Variants in LRRC49 observed in about 807,000 individuals in gnomAD.
The protein encoded by LRRC49 is leucine rich repeat containing 49.
Under a neutral mutation model 83.3 loss-of-function variants are expected in LRRC49, and 50 were observed. The observed-to-expected ratio is 0.60, with a 90% CI of 0.48 to 0.76. The LOEUF (loss-of-function observed/expected upper bound fraction) is 0.76. Ranked by LOEUF, LRRC49 falls within the 30% of genes least tolerant of loss-of-function variation. The pLI, the probability that LRRC49 is intolerant of heterozygous loss-of-function variation, is 0.00. For missense variants in LRRC49, 704 were observed against 809.1 expected (o/e 0.87, Z 1.58); for synonymous variants, 286 against 283.3 (o/e 1.01, Z -0.10).
intron 1 of LRRC49, chr15:70,853,960 G>C (rs1595959954): frequency 6.9e-7 from 1 of 1,454,242 alleles, no homozygotes; most frequent in Admixed American, 2.4e-5. Flanking sequence ...CCGGGTCCCC[G>C]GCGCCCCGAG....
chr15:70,878,975 G>A (rs1390427776), intron 2 of LRRC49, among the ~76,000 whole-genome samples: 1 of 152,190 alleles, frequency 6.6e-6, no homozygotes, highest in African/African-American at 2.4e-5. Context: ...GATGGGAAGT[G>A]TTCTCTAGTC....
chr15:70,882,334 T>C, intron 2 of LRRC49: 2 of 941,224 alleles, frequency 2.1e-6, no homozygotes, highest in Non-Finnish European at 3.2e-6. Context: ...GCTAAACAAA[T>C]TATGCTGATA....
intron 7 of LRRC49, among the ~76,000 whole-genome samples, chr15:70,924,221 T>C (rs1464502013): frequency 6.6e-6 from 1 of 151,918 alleles, no homozygotes; most frequent in African/African-American, 2.4e-5. Flanking sequence ...TTCCAACCTT[T>C]CTCTTAAAAA....
At chr15:70,960,637 A>G (rs1246260066) in intron 8 of LRRC49, among the ~76,000 whole-genome samples, 2 of 152,190 alleles carry the variant, frequency 1.3e-5, no homozygotes, top group South Asian at 2.1e-4. Context: ...CCATACAAAT[A>G]TATTCAGGTG....
At chr15:71,006,373 T>C (rs1202458541) in intron 11 of LRRC49, among the ~76,000 whole-genome samples, 1 of 152,108 alleles carries the variant, frequency 6.6e-6, no homozygotes, top group African/African-American at 2.4e-5. Context: ...TCCCAAAGGG[T>C]TTGTTGATGT....
chr15:70,962,360 A>G (rs1327428560), intron 8 of LRRC49, among the ~76,000 whole-genome samples: 1 of 152,206 alleles, frequency 6.6e-6, no homozygotes, highest in African/African-American at 2.4e-5. Flanking sequence ...ATTTATAGAT[A>G]TATGCATATA....
chr15:71,002,539 T>C (rs1181294812), intron 11 of LRRC49, among the ~76,000 whole-genome samples: 1 of 151,916 alleles, frequency 6.6e-6, no homozygotes, highest in Non-Finnish European at 1.5e-5. Context: ...ATTGGATGCA[T>C]GCAGTGAAGC....
At position 70,911,611 on chromosome 15, in the gene LRRC49, C is replaced by G; in HGVS notation, c.567+13C>G. 1.4e-6 allele frequency: 2 copies of G among 1,466,312 alleles called. No individual in the cohort carries two copies. Among genetic ancestry groups the G allele is most frequent in the Non-Finnish European group, 1.8e-6 (2 of 1,086,518 alleles). 90.8% of individuals were successfully genotyped at this position (1,466,312 alleles called of 1,614,324 possible). On this transcript the variant is annotated intron_variant, in intron 6 of 15. Coordinates refer to ENST00000260382, the MANE Select transcript of LRRC49 (RefSeq NM_017691.5). ...TCATGGAAATCAGGTATTGTAAAGC[C>G]CTTTCATTTCTTTCTTTTTTGAAAA...
chr15:70,998,186 C>T (rs1413985757), intron 11 of LRRC49, among the ~76,000 whole-genome samples: 2 of 151,990 alleles, frequency 1.3e-5, no homozygotes, highest in Non-Finnish European at 2.9e-5. Context: ...ATACATTTTT[C>T]TTCTAAATCA....
intron 8 of LRRC49, among the ~76,000 whole-genome samples, chr15:70,960,354 T>C (rs2036562549): frequency 6.6e-6 from 1 of 152,196 alleles, no homozygotes; most frequent in African/African-American, 2.4e-5. Context: ...GGTTTATATG[T>C]GTTTTTAAAG....
intron 9 of LRRC49, 32 bp downstream of exon 9, chr15:70,963,964 G>T: frequency 6.3e-7 from 1 of 1,598,114 alleles, no homozygotes; most frequent in Non-Finnish European, 8.5e-7. Flanking sequence ...TCACCATGTT[G>T]TTGTCCTTAG....
At chr15:70,902,250 G>A (rs539977461) in intron 4 of LRRC49, among the ~76,000 whole-genome samples, 1 of 152,220 alleles carries the variant, frequency 6.6e-6, no homozygotes, top group Admixed American at 6.5e-5. Flanking sequence ...TCAGTTTCAT[G>A]TTACTTGACA....
At chr15:70,956,658 T>C (rs2036413749) in intron 8 of LRRC49, among the ~76,000 whole-genome samples, 1 of 152,090 alleles carries the variant, frequency 6.6e-6, no homozygotes, top group African/African-American at 2.4e-5. Flanking sequence ...CATTAGCCTG[T>C]ATTTGTACTT....
chr15:70,897,435 T>C (rs2033884373), intron 3 of LRRC49, among the ~76,000 whole-genome samples: 1 of 152,214 alleles, frequency 6.6e-6, no homozygotes, highest in African/African-American at 2.4e-5. Context: ...GTCTTAAATG[T>C]GTACCTGGTT....
chr15:70,922,244 C>G (rs1391190329), intron 7 of LRRC49, among the ~76,000 whole-genome samples: 1 of 152,114 alleles, frequency 6.6e-6, no homozygotes, highest in Non-Finnish European at 1.5e-5. Context: ...TGTTGCAGCA[C>G]TGTTTACAAT....
intron 8 of LRRC49, among the ~76,000 whole-genome samples, chr15:70,952,957 C>T (rs562891114): frequency 3.3e-5 from 5 of 152,200 alleles, no homozygotes; most frequent in African/African-American, 1.2e-4. Context: ...AATAGCTACC[C>T]GTTTTTTGTT....
chr15:70,854,463 G>T (rs2032599634), intron 1 of LRRC49, among the ~76,000 whole-genome samples: 1 of 152,144 alleles, frequency 6.6e-6, no homozygotes, highest in Non-Finnish European at 1.5e-5. Context: ...CTTCTTTCAC[G>T]GCGCCGCAGG....
In LRRC49 at chr15:70,858,915, G is replaced by A. The variant is rs542318007; in HGVS notation, c.-299+5446G>A. On this transcript the variant is annotated intron_variant, in intron 1 of 16. Transcript: ENST00000544974. ...TATGGGAGGCATCACCGCTGTCACG[G>A]TCAACCAGAGCCTGCTGAGCCCTCT... The A allele has an allele frequency of 4.5e-5, 35 of 777,616 alleles. No homozygotes were observed. The African/African-American group carries it at 4.9e-4, about 11-fold the overall frequency. The allele number at this position is 777,616 out of a possible 1,614,324, so 48.2% of individuals were successfully genotyped here.
chr15:70,897,305 TA>T (rs746617968), intron 3 of LRRC49, among the ~76,000 whole-genome samples: 2 of 152,178 alleles, frequency 1.3e-5, no homozygotes, highest in Non-Finnish European at 2.9e-5. Flanking sequence ...AATAAAGTTT[TA>T]TACATAAGTA....
Sources: allele counts gnomAD v4.1 joint callset (sites outside exome capture counted in the v4.1 genomes callset), GRCh38; gene constraint gnomAD v4.1.1; transcripts MANE v1.5; gene names NCBI Gene and HGNC (gene_info 2026-07-23, HGNC 2026-07-21).